Variants in POU2F1 observed in about 807,000 individuals in gnomAD.
POU2F1 encodes the protein POU domain, class 2, transcription factor 1.
In POU2F1, 16 loss-of-function variants were observed where a neutral mutation model predicts 84.9. The observed-to-expected ratio is 0.19, with a 90% CI of 0.13 to 0.29. POU2F1 has a LOEUF of 0.29. Among genes scored for constraint, POU2F1 ranks in the 10% least tolerant of loss-of-function variants. The pLI is 1.00. For synonymous variants in POU2F1, 368 were observed against 368.3 expected (o/e 1.00, Z 0.01); for missense variants, 738 against 942.6 (o/e 0.78, Z 2.84).
At chr1:167,251,235 C>T (rs1650703396) in intron 1 of POU2F1, among the ~76,000 whole-genome samples, 1 of 151,770 alleles carries the variant, frequency 6.6e-6, no homozygotes, top group Admixed American at 6.6e-5. Flanking sequence ...CCCATCTCTA[C>T]AAAAAAATCC....
chr1:167,289,219 T>C (rs1457284249), intron 1 of POU2F1, among the ~76,000 whole-genome samples: 8 of 152,296 alleles, frequency 5.3e-5, no homozygotes, highest in African/African-American at 1.9e-4. Flanking sequence ...AAATCTAATA[T>C]CCCTGACGTA....
At chr1:167,258,006 A>G (rs551088015) in intron 1 of POU2F1, 6 of 152,152 alleles carry the variant, frequency 3.9e-5, no homozygotes, top group Non-Finnish European at 7.4e-5. Context: ...CTAGAGGTAG[A>G]TGTTTTTAAC....
chr1:167,225,625 A>G (rs973182993), intron 1 of POU2F1, among the ~76,000 whole-genome samples: 2 of 152,254 alleles, frequency 1.3e-5, no homozygotes, highest in African/African-American at 2.4e-5. Context: ...CTGAAATAAC[A>G]GAAGTGGAAA....
intron 3 of POU2F1, among the ~76,000 whole-genome samples, chr1:167,368,762 C>G (rs1571383656): frequency 6.6e-6 from 1 of 152,156 alleles, no homozygotes; most frequent in African/African-American, 2.4e-5. Context: ...ACAGGACTAG[C>G]AGTTTCAAAT....
chr1:167,301,166 CTT>C (rs1242117721), intron 1 of POU2F1, among the ~76,000 whole-genome samples: 3 of 149,604 alleles, frequency 2.0e-5, no homozygotes, highest in Non-Finnish European at 4.4e-5. Context: ...TTAGATTAGA[CTT>C]TATATTGGTT....
At chr1:167,377,145 C>T (rs1660382755) in intron 7 of POU2F1, among the ~76,000 whole-genome samples, 1 of 152,120 alleles carries the variant, frequency 6.6e-6, no homozygotes, top group African/African-American at 2.4e-5. Context: ...CTTACAACTG[C>T]AGAATAAGTT....
chr1:167,388,875 C>G (rs1174662144), intron 8 of POU2F1, among the ~76,000 whole-genome samples: 1 of 152,086 alleles, frequency 6.6e-6, no homozygotes, highest in Non-Finnish European at 1.5e-5. Flanking sequence ...ATGCCTGTCT[C>G]CATCACCCTC....
intron 1 of POU2F1, among the ~76,000 whole-genome samples, chr1:167,272,218 TC>T (rs2102470873): frequency 6.6e-6 from 1 of 152,294 alleles, no homozygotes; most frequent in Admixed American, 6.5e-5. Context: ...TTTTCTGTAT[TC>T]TTATATTTGC....
chr1:167,221,766 TGCG>T (rs1205802717), intron 1 of POU2F1, among the ~76,000 whole-genome samples: 2 of 148,530 alleles, frequency 1.3e-5, no homozygotes, highest in East Asian at 4.1e-4. Flanking sequence ...TCGTGGGCGC[TGCG>T]AGGTGGCCTG....
intron 13 of POU2F1, among the ~76,000 whole-genome samples, chr1:167,407,660 T>G (rs901263557): frequency 4.6e-5 from 7 of 152,214 alleles, no homozygotes; most frequent in African/African-American, 1.7e-4. Context: ...AGGACAGTCT[T>G]CAACAAATGG....
chr1:167,230,251 C>T (rs1234687336), intron 1 of POU2F1, among the ~76,000 whole-genome samples: 1 of 152,126 alleles, frequency 6.6e-6, no homozygotes, highest in East Asian at 1.9e-4. Context: ...CTTTTTCCTC[C>T]ATTGGAAGGC....
Position 167,365,550 on chromosome 1 carries a change from C to G in POU2F1, c.211C>G (p.Leu71Val). The change falls in exon 3 of 16, where the codon CTT (leucine) becomes GTT (valine). Residue 71 changes from leucine to valine, a missense_variant. Coordinates refer to ENST00000367866, the MANE Select transcript of POU2F1 (RefSeq NM_002697.4). ...AISTAQAQAF[L>V]GHLHQVQLAG... ...CTCAACAGCCCAGGCGCAGGCTTTC[C>G]TTGGACATCTCCATCAGGTAGGAAT... The G allele has an allele frequency of 6.3e-7, 1 of 1,597,430 alleles. No homozygotes were observed. Among genetic ancestry groups the G allele is most frequent in the Non-Finnish European group, 8.5e-7 (1 of 1,172,510 alleles).
intron 2 of POU2F1, among the ~76,000 whole-genome samples, chr1:167,336,778 C>G (rs1421170992): frequency 1.3e-5 from 2 of 152,150 alleles, no homozygotes; most frequent in Admixed American, 6.5e-5. Context: ...CCTGTAATCC[C>G]AGCACTTTGG....
At chr1:167,382,143 C>G (rs1432097497) in intron 7 of POU2F1, among the ~76,000 whole-genome samples, 1 of 152,222 alleles carries the variant, frequency 6.6e-6, no homozygotes, top group South Asian at 2.1e-4. Flanking sequence ...AGGCCCTGCC[C>G]TCATTAAGAG....
chr1:167,368,228 C>A lies in POU2F1; in HGVS notation c.229-1933C>A, dbSNP rs536890693. The stretch of plus-strand genomic sequence containing the variant: ...TATTGGCATTTTTGAAGAATAGAGG[C>A]CAGCTGTTTGATAGAATGCCCATTT... On this transcript the variant is annotated intron_variant, in intron 3 of 15. Transcript: ENST00000367866. Among the ~76,000 whole-genome samples, 3 of 152,082 alleles carry A rather than the reference C, an allele frequency of 2.0e-5. No homozygotes were observed. The East Asian group carries it at 5.8e-4, about 29-fold the overall frequency.
chr1:167,243,536 C>T (rs531300875), intron 1 of POU2F1, among the ~76,000 whole-genome samples: 1 of 152,212 alleles, frequency 6.6e-6, no homozygotes, highest in East Asian at 1.9e-4. Context: ...AGTGCAGTGG[C>T]GTGATCTTGG....
At chr1:167,361,895 G>GT (rs1214120019) in intron 2 of POU2F1, among the ~76,000 whole-genome samples, 10 of 151,642 alleles carry the variant, frequency 6.6e-5, no homozygotes, top group Admixed American at 6.6e-5. Context: ...ATCTTGAATG[G>GT]TTTTTTTTCT....
chr1:167,413,156 TGTGTGA>T lies in POU2F1; in HGVS notation c.1990+48_1990+53del, dbSNP rs771797938. 1.8e-5 allele frequency: 25 copies of T among 1,403,974 alleles called. No homozygotes were observed. In the African/African-American group the frequency reaches 3.1e-4, roughly 18 times the overall value. 87.0% of individuals were successfully genotyped at this position (1,403,974 alleles called of 1,614,324 possible). Reference sequence around the variant, plus strand: ...TTCTTAATTTGGTGGCATGCACGTGTGTGTGAGTGTGTGTGTGTGTGTGTGTGTGTG... The same window carrying T: ...TTCTTAATTTGGTGGCATGCACGTGTGTGTGTGTGTGTGTGTGTGTGTGTG... On this transcript the variant is annotated intron_variant, in intron 15 of 15. Coordinates refer to ENST00000367866, the MANE Select transcript of POU2F1 (RefSeq NM_002697.4).
intron 7 of POU2F1, among the ~76,000 whole-genome samples, chr1:167,382,260 C>T (rs544810898): frequency 1.2e-4 from 19 of 152,226 alleles, no homozygotes; most frequent in African/African-American, 3.4e-4. Context: ...AGAATGGGCC[C>T]ATGGTCTGGA....
Sources: gnomAD v4.1 joint callset for allele counts (sites outside exome capture counted in the v4.1 genomes callset) on GRCh38, gnomAD v4.1.1 for gene constraint, MANE v1.5 for transcripts, NCBI Gene and HGNC (gene_info 2026-07-23, HGNC 2026-07-21) for gene names.